Variants in KAT6A observed in about 807,000 individuals in gnomAD.
KAT6A encodes lysine acetyltransferase 6A, also known as histone acetyltransferase KAT6A.
Under a neutral mutation model 198.4 loss-of-function variants are expected in KAT6A, and 9 were observed. That is an observed-to-expected ratio of 0.05 (90% CI 0.03 to 0.08). The LOEUF (loss-of-function observed/expected upper bound fraction) is 0.08. KAT6A is among the 10% of genes least tolerant of loss of function. The probability of loss-of-function intolerance (pLI) is 1.00; values close to 1 mark genes in which losing one functional copy is unlikely to be tolerated. For missense variants in KAT6A, 2,077 were observed against 2,509.9 expected (o/e 0.83, Z 3.69); for synonymous variants, 890 against 883.0 (o/e 1.01, Z -0.14).
chr8:42,017,206 C>T (rs1417952065), intron 2 of KAT6A, among the ~76,000 whole-genome samples: 3 of 152,148 alleles, frequency 2.0e-5, no homozygotes, highest in African/African-American at 4.8e-5. Context: ...ATGAATCCCC[C>T]GCACGTTGTC....
intron 8 of KAT6A, chr8:41,957,118 C>G (rs750136544): frequency 1.8e-5 from 11 of 604,238 alleles, no homozygotes; most frequent in Admixed American, 5.6e-5. Flanking sequence ...GGCGGATGCC[C>G]GATGTGAAAG....
rs564255890 is a variant in KAT6A, at chr8:41,965,515, C to G, written c.1482+9189G>C. ...TTTATTATTCAAAACATCCTCTTAT[C>G]TAGCCAAGATGAACTTTCCCAACTG... On this transcript the variant is annotated intron_variant, in intron 8 of 16. Coordinates refer to ENST00000265713, the MANE Select transcript of KAT6A (RefSeq NM_006766.5). Among the ~76,000 whole-genome samples, 8 of 152,300 alleles carry G rather than the reference C, an allele frequency of 5.3e-5. No homozygotes were observed. The East Asian group carries it at 1.5e-3, about 29-fold the overall frequency.
chr8:41,942,475 T>G (rs1822189246), intron 14 of KAT6A: 1 of 339,798 alleles, frequency 2.9e-6, no homozygotes, highest in Non-Finnish European at 5.4e-6. Context: ...CTGTCAGATT[T>G]GGATTCAATT....
chr8:42,013,039 G>A (rs1826093495), intron 2 of KAT6A, among the ~76,000 whole-genome samples: 1 of 150,894 alleles, frequency 6.6e-6, no homozygotes, highest in South Asian at 2.1e-4. Flanking sequence ...GTTTGCCAGG[G>A]TTGGGGGAGG....
chr8:42,025,601 G>A (rs757760851), intron 2 of KAT6A, among the ~76,000 whole-genome samples: 6 of 151,910 alleles, frequency 3.9e-5, no homozygotes, highest in Non-Finnish European at 8.8e-5. Flanking sequence ...TTGTTAATAG[G>A]ATTATTTGGT....
chr8:41,991,281 G>GT (rs1824933783), intron 2 of KAT6A, among the ~76,000 whole-genome samples: 1 of 152,152 alleles, frequency 6.6e-6, no homozygotes, highest in Non-Finnish European at 1.5e-5. Flanking sequence ...AAACTGTGCT[G>GT]TATTCATACA....
At chr8:41,998,521 C>A (rs1005566498) in intron 2 of KAT6A, among the ~76,000 whole-genome samples, 7 of 152,064 alleles carry the variant, frequency 4.6e-5, no homozygotes, top group Admixed American at 4.6e-4. Context: ...GTTTTGAATT[C>A]CATTTTTAGC....
At chr8:41,976,855 C>T (rs1824078362) in intron 7 of KAT6A, among the ~76,000 whole-genome samples, 153 bp downstream of exon 7, 2 of 152,204 alleles carry the variant, frequency 1.3e-5, no homozygotes, top group Non-Finnish European at 2.9e-5. Flanking sequence ...CAGTTATCAC[C>T]TCAGTATCAT....
intron 9 of KAT6A, among the ~76,000 whole-genome samples, chr8:41,952,579 A>C (rs956879906): frequency 2.0e-5 from 3 of 152,216 alleles, no homozygotes; most frequent in Admixed American, 6.5e-5. Flanking sequence ...CATTCCGTAA[A>C]GTATAATCCC....
chr8:42,000,321 C>A (rs543526250), intron 2 of KAT6A, among the ~76,000 whole-genome samples: 2 of 152,238 alleles, frequency 1.3e-5, no homozygotes, highest in South Asian at 4.1e-4. Flanking sequence ...GAGGCTGATG[C>A]GGGTGCATCA....
chr8:41,965,633 C>T (rs1823434615), intron 8 of KAT6A, among the ~76,000 whole-genome samples: 1 of 152,150 alleles, frequency 6.6e-6, no homozygotes, highest in Admixed American at 6.6e-5. Flanking sequence ...GTTTGATAAG[C>T]ATGGGTTTCA....
At chr8:42,019,264 T>G (rs569776554) in intron 2 of KAT6A, among the ~76,000 whole-genome samples, 2 of 152,232 alleles carry the variant, frequency 1.3e-5, no homozygotes, top group African/African-American at 2.4e-5. Context: ...TCTTTATTTT[T>G]ATATACAACT....
intron 1 of KAT6A, among the ~76,000 whole-genome samples, chr8:42,050,250 C>G (rs1206057903): frequency 2.0e-5 from 3 of 152,160 alleles, no homozygotes; most frequent in African/African-American, 7.2e-5. Flanking sequence ...AAAACATAAA[C>G]AGAAATGTAC....
At chr8:41,972,859 T>A (rs1230914892) in intron 8 of KAT6A, among the ~76,000 whole-genome samples, 1 of 152,084 alleles carries the variant, frequency 6.6e-6, no homozygotes, top group Non-Finnish European at 1.5e-5. Flanking sequence ...GAAAAAAAAA[T>A]TCTTTCAGTC....
In KAT6A at chr8:41,987,488, C is replaced by T. The variant is rs1564044797; in HGVS notation, c.676G>A (p.Glu226Lys). ...CCACAGTCGGCACAGGAGATGAGTT[C>T]CTCTGGCTTCTTTTCTCGGTTTTGT... ...KEQNREKKPE[E>K]LISCADCGNS... The change falls in exon 3 of 17, where the codon GAA becomes AAA. Residue 226 changes from glutamate to lysine, a missense_variant. Physicochemically the swap from Glu to Lys is moderately conservative, Grantham distance 56. Around this residue, in one of 13 missense-constraint regions of KAT6A, gnomAD observed 89 missense variants for 154.4 expected, o/e 0.58. Coordinates refer to ENST00000265713, the MANE Select transcript of KAT6A (RefSeq NM_006766.5). 2 of 1,612,648 alleles carry T rather than the reference C, an allele frequency of 1.2e-6. No individual in the cohort carries two copies. The highest frequency in any genetic ancestry group is 8.5e-7 in the Non-Finnish European group (1 of 1,178,714).
intron 9 of KAT6A, among the ~76,000 whole-genome samples, chr8:41,952,508 A>G (rs1202164896): frequency 6.6e-6 from 1 of 152,216 alleles, no homozygotes; most frequent in African/African-American, 2.4e-5. Flanking sequence ...TGATTTTTAA[A>G]GACAGGGATA....
Position 42,048,804 on chromosome 8 carries a change from T to C in KAT6A, c.174A>G (p.Gly58=), listed in dbSNP as rs779597545. 6.2e-7 allele frequency: 1 copy of C among 1,614,172 alleles called. No homozygotes were observed. Among genetic ancestry groups the C allele is most frequent in the South Asian group, 1.1e-5 (1 of 91,084 alleles). ...LEQLELSVKD[G]TILKVSNKGL... Reference sequence around the variant, plus strand: ...CTTTATTTGAGACTTTTAAAATTGTTCCATCTTTAACACTCAACTCCAATT... The same window carrying C: ...CTTTATTTGAGACTTTTAAAATTGTCCCATCTTTAACACTCAACTCCAATT... Residue 58 remains glycine, a synonymous_variant, in exon 2 of 17, where the codon GGA becomes GGG. Coordinates refer to ENST00000265713, the MANE Select transcript of KAT6A (RefSeq NM_006766.5).
At chr8:41,939,947 T>C (rs920462814) in intron 15 of KAT6A, among the ~76,000 whole-genome samples, 6 of 152,256 alleles carry the variant, frequency 3.9e-5, no homozygotes, top group Non-Finnish European at 5.9e-5. Context: ...GGCTGGGGTA[T>C]GCGAGAACTC....
chr8:41,984,932 G>A (rs993150987), intron 3 of KAT6A, among the ~76,000 whole-genome samples: 5 of 149,140 alleles, frequency 3.4e-5, no homozygotes, highest in Admixed American at 6.7e-5. Context: ...GCAGTGAGCC[G>A]AGATCACGCC....
Sources: gnomAD v4.1 joint callset for allele counts (sites outside exome capture counted in the v4.1 genomes callset) on GRCh38, gnomAD v4.1.1 for gene constraint, gnomAD v4.1.1 regional missense constraint, MANE v1.5 for transcripts, NCBI Gene and HGNC (gene_info 2026-07-23, HGNC 2026-07-21) for gene names.